The following IGSF9B variants were observed in gnomAD, a reference collection of about 807,000 sequenced individuals.
IGSF9B encodes the protein immunoglobulin superfamily member 9B.
In IGSF9B, 48 loss-of-function variants were observed where a neutral mutation model predicts 143.7. The observed-to-expected ratio is 0.33, with a 90% CI of 0.26 to 0.42. IGSF9B has a LOEUF of 0.42. Among genes scored for constraint, IGSF9B ranks in the 20% least tolerant of loss-of-function variants. The pLI, the probability that IGSF9B is intolerant of heterozygous loss-of-function variation, is 1.00. For missense variants in IGSF9B, 1,706 were observed against 1,980.0 expected, an observed-to-expected ratio of 0.86 and a Z score of 2.63; for synonymous variants, 903 against 833.1, an observed-to-expected ratio of 1.08 and a Z score of -1.44.
At position 133,899,603 on chromosome 11, in the gene IGSF9B, A is replaced by C. The variant is rs1303881918; in HGVS notation, c.*9466T>G. ...CAGACCTTGATGCTGCTGAGGACCTAATCTTGGGCTGGCCCTGGTGGGAGG... is the reference window on the plus strand; with the variant it reads ...CAGACCTTGATGCTGCTGAGGACCTCATCTTGGGCTGGCCCTGGTGGGAGG... On this transcript the variant is annotated 3_prime_UTR_variant, in exon 20 of 20. Coordinates refer to ENST00000533871, the MANE Select transcript of IGSF9B (RefSeq NM_001277285.4). 6.6e-6 allele frequency: 1 copy of C among 152,318 alleles called. No homozygotes were observed. The highest frequency in any genetic ancestry group is 1.5e-5 in the Non-Finnish European group (1 of 68,130). 9.4% of individuals were successfully genotyped at this position (152,318 alleles called of 1,614,324 possible).
intron 1 of IGSF9B, among the ~76,000 whole-genome samples, chr11:133,951,667 A>T (rs1940160995): frequency 6.6e-6 from 1 of 152,164 alleles, no homozygotes; most frequent in African/African-American, 2.4e-5. Flanking sequence ...TCCTCAGCAG[A>T]GGCAAAGCCA....
intron 1 of IGSF9B, 114 bp downstream of exon 1, chr11:133,956,577 C>T: frequency 1.5e-6 from 1 of 672,030 alleles, no homozygotes; most frequent in Non-Finnish European, 2.4e-6. Context: ...CGCGGGAAGG[C>T]GCGCCGGGGA....
rs571405530 is a variant in IGSF9B at position 133,929,758 on chromosome 11, C to T, written c.1544G>A (p.Ser515Asn). 43 of 1,613,556 alleles carry T rather than the reference C, an allele frequency of 2.7e-5. No individual in the cohort carries two copies. The East Asian group carries it at 9.4e-4, about 35-fold the overall frequency. Reference sequence around the variant, plus strand: ...TGTCATGGAGACCTGGACCCGGACACTGCCCGGGGCATGGGGGCTGGTGCC... The same window carrying T: ...TGTCATGGAGACCTGGACCCGGACATTGCCCGGGGCATGGGGGCTGGTGCC... The part of the protein sequence containing the change: ...VIGTSPHAPG[S>N]VRVQVSMTTA... The change falls in exon 12 of 20, where the codon AGT (serine) becomes AAT (asparagine). Residue 515 changes from serine to asparagine, a missense_variant. Coordinates refer to ENST00000533871, the MANE Select transcript of IGSF9B (RefSeq NM_001277285.4).
chr11:133,931,826 G>A lies in IGSF9B; in HGVS notation c.1111-31C>T, dbSNP rs754550847. 1.3e-5 allele frequency: 21 copies of A among 1,607,998 alleles called. No individual in the cohort carries two copies. Among genetic ancestry groups the A allele is most frequent in the Admixed American group, 6.8e-5 (4 of 58,512 alleles). On this transcript the variant is annotated intron_variant, in intron 8 of 19. Transcript: ENST00000533871. This position sits in a 1 kb window ranked among gnomAD's most constrained non-coding sequence, Gnocchi z 7.7. ...AGACACAGACGATAGGGCAGGGAAC[G>A]CTGGTCAGAGACTCCGCGCTCCATC...
intron 12 of IGSF9B, among the ~76,000 whole-genome samples, chr11:133,927,591 C>A (rs1257771250): frequency 1.3e-5 from 2 of 152,190 alleles, no homozygotes; most frequent in Non-Finnish European, 2.9e-5. Flanking sequence ...CCTGAGATGT[C>A]CAGGGTATAA....
At position 133,901,335 on chromosome 11, in the gene IGSF9B, G is replaced by A. The variant is rs1025426385; in HGVS notation, c.*7734C>T. 6.6e-6 allele frequency: 1 copy of A among 152,152 alleles called. No homozygotes were observed. Among genetic ancestry groups the A allele is most frequent in the African/African-American group, 2.4e-5 (1 of 41,432 alleles). 9.4% of individuals were successfully genotyped at this position (152,152 alleles called of 1,614,324 possible). A position where few individuals can be genotyped will look rare whatever the true frequency, so the allele number is the denominator to read the frequency against. ...CTAGTATCCCAGACTGCCTGGGAAG[G>A]TAGCACTGCTCAAAACATCTCTAAG... On this transcript the variant is annotated 3_prime_UTR_variant, in exon 20 of 20. Coordinates refer to ENST00000533871, the MANE Select transcript of IGSF9B (RefSeq NM_001277285.4).
chr11:133,927,054 A>G lies in IGSF9B; in HGVS notation c.1669T>C (p.Ser557Pro). The G allele has an allele frequency of 1.3e-5, 21 of 1,562,146 alleles. No homozygotes were observed. The highest frequency in any genetic ancestry group is 1.8e-5 in the Non-Finnish European group (21 of 1,153,250). ...CTGGGTCCTGGCGGCACTGGCAAGG[A>G]CAGCCAGTCATGGGGCCCAAACTGT... is the stretch of plus-strand genomic sequence containing the variant. Reference protein sequence around the residue: ...RAQFGPHDWLSLPVPPGPSWL... With the variant: ...RAQFGPHDWLPLPVPPGPSWL... The change falls in exon 13 of 20, where the codon TCC becomes CCC. Residue 557 changes from serine to proline, a missense_variant. Transcript: ENST00000533871.
rs1054282535 is a variant in IGSF9B at position 133,896,523 on chromosome 11, C to T, written c.*12546G>A. ...ACATGAGGAGCAATTAAATACTAAA[C>T]GTCTTTTCATCAGTTTAACTTGCAA... is the stretch of plus-strand genomic sequence containing the variant. On this transcript the variant is annotated 3_prime_UTR_variant, in exon 20 of 20. Coordinates refer to ENST00000533871, the MANE Select transcript of IGSF9B (RefSeq NM_001277285.4). 6.6e-6 allele frequency: 1 copy of T among 152,184 alleles called. No homozygotes were observed. The highest frequency in any genetic ancestry group is 1.5e-5 in the Non-Finnish European group (1 of 68,020). The allele number at this position is 152,184 out of a possible 1,614,324, so 9.4% of individuals were successfully genotyped here. A position where few individuals can be genotyped will look rare whatever the true frequency, so the allele number is the denominator to read the frequency against.
intron 1 of IGSF9B, among the ~76,000 whole-genome samples, chr11:133,947,101 G>A (rs899219307): frequency 6.6e-6 from 1 of 152,108 alleles, no homozygotes; most frequent in Non-Finnish European, 1.5e-5. Flanking sequence ...ACCCTGGCTG[G>A]CAGCAGAGAG....
At position 133,902,679 on chromosome 11, in the gene IGSF9B, G is replaced by A. The variant is rs1939158179; in HGVS notation, c.*6390C>T. ...GGGGGACAACCTGGTGCCTGCAGAA[G>A]GACACATGAGACAATCCCTTCTCCA... is the stretch of plus-strand genomic sequence containing the variant. On this transcript the variant is annotated 3_prime_UTR_variant, in exon 20 of 20. Transcript: ENST00000533871. 6.6e-6 allele frequency among the ~76,000 whole-genome samples: 1 copy of A among 152,084 alleles called. No homozygotes were observed. The highest frequency in any genetic ancestry group is 6.5e-5 in the Admixed American group (1 of 15,270).
In IGSF9B at chr11:133,901,861, C is replaced by T. The variant is rs185021760; in HGVS notation, c.*7208G>A. ...ACACACACCACACACGCACCACACA[C>T]GCACCACACACGCACCACACACACA... On this transcript the variant is annotated 3_prime_UTR_variant, in exon 20 of 20. Transcript: ENST00000533871. Among the ~76,000 whole-genome samples the T allele has an allele frequency of 8.3e-5, 12 of 145,130 alleles. No homozygotes were observed. Among genetic ancestry groups the T allele is most frequent in the East Asian group, 2.1e-4 (1 of 4,738 alleles).
At chr11:133,921,538 C>T in intron 17 of IGSF9B, 141 bp from the exon 18 acceptor site, 1 of 605,422 alleles carries the variant, frequency 1.7e-6, no homozygotes, top group South Asian at 2.8e-5. Context: ...GTGTGAAATG[C>T]TTTGGCCAAC....
chr11:133,924,832 C>A lies in IGSF9B; in HGVS notation c.2107G>T (p.Val703Phe). The A allele has an allele frequency of 1.2e-6, 2 of 1,613,740 alleles. No homozygotes were observed. The highest frequency in any genetic ancestry group is 1.7e-6 in the Non-Finnish European group (2 of 1,179,810). Residue 703 changes from valine to phenylalanine, a missense_variant, in exon 15 of 20, where the codon GTC (valine) becomes TTC (phenylalanine). Around this residue, in one of 7 missense-constraint regions of IGSF9B, gnomAD observed 267 missense variants for 321.1 expected, o/e 0.83. Transcript: ENST00000533871. ...CAACCCAAAATACCTGTGCTGGAGA[C>A]GCCGGCGATGTTGCTGGGCTCGCTG... Reference protein sequence around the residue: ...LISEPSNIAGVSSTDIFPQPD... With the variant: ...LISEPSNIAGFSSTDIFPQPD...
In IGSF9B at chr11:133,931,014, T is replaced by G. The variant is rs1207027286; in HGVS notation, c.1489A>C (p.Ile497Leu). 3 of 1,613,214 alleles carry G rather than the reference T, an allele frequency of 1.9e-6. No individual in the cohort carries two copies. Among genetic ancestry groups the G allele is most frequent in the East Asian group, 2.2e-5 (1 of 44,872 alleles). ...ACGGTGAGGTGGGTGCTGGCAGTGA[T>G]GCTCGTGACCACGTTGGTGGCGACA... ...ECVATNVVTS[I>L]TASTHLTVIG... Residue 497 changes from isoleucine to leucine, a missense_variant, in exon 11 of 20, where the codon ATC (isoleucine) becomes CTC (leucine). Physicochemically the swap from Ile to Leu is conservative, Grantham distance 5. Around this residue, in one of 7 missense-constraint regions of IGSF9B, gnomAD observed 267 missense variants for 321.1 expected, o/e 0.83. Coordinates refer to ENST00000533871, the MANE Select transcript of IGSF9B (RefSeq NM_001277285.4). This position sits in a 1 kb window ranked among gnomAD's most constrained non-coding sequence, Gnocchi z 7.7.
Position 133,935,607 on chromosome 11 carries a change from C to T in IGSF9B, c.967+10G>A. On this transcript the variant is annotated intron_variant, in intron 7 of 19. Transcript: ENST00000533871. ...CCCCACCACCCAGGCTCCCCTGCACCCCTACTCACACTGCACGGTCAGGTA... is the reference window on the plus strand; with the variant it reads ...CCCCACCACCCAGGCTCCCCTGCACTCCTACTCACACTGCACGGTCAGGTA... The T allele has an allele frequency of 1.2e-6, 2 of 1,607,762 alleles. No homozygotes were observed. Among genetic ancestry groups the T allele is most frequent in the Non-Finnish European group, 1.7e-6 (2 of 1,177,614 alleles).
Position 133,920,779 on chromosome 11 carries a change from C to T in IGSF9B, c.2946G>A (p.Pro982=), listed in dbSNP as rs372000338. The stretch of plus-strand genomic sequence containing the variant: ...GGCTGCCCACTTCTGGCACGTAGAA[C>T]GGGGGCGGCTCCACCTCCCCAGGGC... ...SSSPGEVEPP[P]FYVPEVGSPL... is the part of the protein sequence containing the mutation. Residue 982 remains proline, a synonymous_variant, in exon 18 of 20, where the codon CCG becomes CCA. Transcript: ENST00000533871. The T allele has an allele frequency of 1.3e-4, 204 of 1,610,526 alleles. 2 individuals carry two copies. In the African/African-American group the frequency reaches 2.5e-3, roughly 20 times the overall value.
At chr11:133,916,806 G>A (rs943271073) in intron 18 of IGSF9B, among the ~76,000 whole-genome samples, 2 of 152,158 alleles carry the variant, frequency 1.3e-5, no homozygotes, top group Admixed American at 6.5e-5. Flanking sequence ...ACCTCCGGGG[G>A]CTGTGGAGGA....
At position 133,903,221 on chromosome 11, in the gene IGSF9B, T is replaced by C. The variant is rs1216079710; in HGVS notation, c.*5848A>G. On this transcript the variant is annotated 3_prime_UTR_variant, in exon 20 of 20. Coordinates refer to ENST00000533871, the MANE Select transcript of IGSF9B (RefSeq NM_001277285.4). ...CAGTGCCACAGAGAGGTAGGATTGG[T>C]GGAGCACACTTCTTCAAGACCCGAA... is the stretch of plus-strand genomic sequence containing the variant. 6.6e-6 allele frequency among the ~76,000 whole-genome samples: 1 copy of C among 151,208 alleles called. No individual in the cohort carries two copies. The highest frequency in any genetic ancestry group is 1.5e-5 in the Non-Finnish European group (1 of 67,796).
At position 133,905,357 on chromosome 11, in the gene IGSF9B, G is replaced by A. The variant is rs1312689200; in HGVS notation, c.*3712C>T. On this transcript the variant is annotated 3_prime_UTR_variant, in exon 20 of 20. Coordinates refer to ENST00000533871, the MANE Select transcript of IGSF9B (RefSeq NM_001277285.4). This position sits in a 1 kb window ranked among gnomAD's most constrained non-coding sequence, Gnocchi z 4.0. ...GTGGGCAGTGCCAAAGATGCTGGAG[G>A]CTCCGTGAAATCTGTTTCTCCCTAG... 6.6e-6 allele frequency among the ~76,000 whole-genome samples: 1 copy of A among 151,900 alleles called. No homozygotes were observed. Among genetic ancestry groups the A allele is most frequent in the Non-Finnish European group, 1.5e-5 (1 of 67,984 alleles).
Sources: gnomAD v4.1 joint callset for allele counts (sites outside exome capture counted in the v4.1 genomes callset) on GRCh38, gnomAD v4.1.1 for gene constraint, gnomAD v4.1.1 regional missense constraint, Gnocchi (gnomAD v3.1) non-coding constraint, MANE v1.5 for transcripts, NCBI Gene and HGNC (gene_info 2026-07-23, HGNC 2026-07-21) for gene names.